The following RBM6 variants were observed in gnomAD, a reference collection of about 807,000 sequenced individuals.
The protein encoded by RBM6 is RNA binding motif protein 6.
In RBM6, 23 loss-of-function variants were observed where a neutral mutation model predicts 140.4. That is an observed-to-expected ratio of 0.16 (90% CI 0.12 to 0.23). RBM6 has a LOEUF of 0.23. Among genes scored for constraint, RBM6 ranks in the 10% least tolerant of loss-of-function variants. The pLI, the probability that RBM6 is intolerant of heterozygous loss-of-function variation, is 1.00. For synonymous variants in RBM6, 439 were observed against 475.6 expected, an observed-to-expected ratio of 0.92 and a Z score of 1.00; for missense variants, 1,139 against 1,386.7, an observed-to-expected ratio of 0.82 and a Z score of 2.84.
At position 50,061,559 on chromosome 3, in the gene RBM6, G is replaced by GTTTTT. The variant is rs758603179; in HGVS notation, c.2439+12_2439+13insTTTTT. 2.1e-6 allele frequency: 3 copies of GTTTTT among 1,421,374 alleles called. No homozygotes were observed. In the African/African-American group the frequency reaches 6.4e-5, roughly 30 times the overall value. The allele number at this position is 1,421,374 out of a possible 1,614,324, so 88.0% of individuals were successfully genotyped here. A position where few individuals can be genotyped will look rare whatever the true frequency, so the allele number is the denominator to read the frequency against. ...ACCCCAATACCCAGGTGAGTTTGGG[G>GTTTTT]CTTTTTTTTTTTTTTTTTTTTTTTT... On this transcript the variant is annotated intron_variant, in intron 14 of 20. Transcript: ENST00000266022.
chr3:50,001,985 A>G, intron 6 of RBM6, among the ~76,000 whole-genome samples: 1 of 152,226 alleles, frequency 6.6e-6, no homozygotes. Context: ...TAATGTATCC[A>G]GAACACTTAC....
Position 50,057,962 on chromosome 3 carries a change from A to G in RBM6, c.1928A>G (p.Glu643Gly), listed in dbSNP as rs753858580. The change falls in exon 9 of 21, where the codon GAG (glutamate) becomes GGG (glycine). Residue 643 changes from glutamate (E) to glycine (G), a missense_variant. Glu to Gly is a moderately conservative substitution (Grantham distance 98, BLOSUM62 -2). This residue lies in a region of RBM6 where 109 missense variants were observed against 101.9 expected (regional missense o/e 1.07). Transcript: ENST00000266022. ...GPTFRRDRER[E>G]SWSGETRQDG... ...ACTTTCCGAAGAGACCGAGAGAGGGAGTCATGGTCTGGAGAGACACGCCAG... is the reference window on the plus strand; with the variant it reads ...ACTTTCCGAAGAGACCGAGAGAGGGGGTCATGGTCTGGAGAGACACGCCAG... The G allele has an allele frequency of 1.2e-6, 2 of 1,614,070 alleles. No individual in the cohort carries two copies. The highest frequency in any genetic ancestry group is 1.7e-6 in the Non-Finnish European group (2 of 1,180,024).
At chr3:49,965,435 C>T (rs931900041) in intron 2 of RBM6, among the ~76,000 whole-genome samples, 88 of 151,578 alleles carry the variant, frequency 5.8e-4, no homozygotes, top group African/African-American at 2.0e-3. Context: ...TTTGGGAGGC[C>T]GAGGCGGGTG....
At chr3:49,990,600 CTTTG>C (rs1429079229) in intron 5 of RBM6, among the ~76,000 whole-genome samples, 4 of 152,106 alleles carry the variant, frequency 2.6e-5, no homozygotes, top group South Asian at 4.2e-4. Context: ...CTAGAAAGTA[CTTTG>C]TTTATCAGAT....
intron 5 of RBM6, among the ~76,000 whole-genome samples, chr3:49,987,441 G>T (rs945104390): frequency 6.6e-6 from 1 of 151,512 alleles, no homozygotes; most frequent in Non-Finnish European, 1.5e-5. Flanking sequence ...TCAGCTTCCC[G>T]AGTAGCTGGG....
At chr3:50,064,516 T>G (rs774173399) in intron 15 of RBM6, among the ~76,000 whole-genome samples, 3 of 152,070 alleles carry the variant, frequency 2.0e-5, no homozygotes, top group Non-Finnish European at 4.4e-5. Flanking sequence ...TTATTTTATT[T>G]TATTTTATTT....
chr3:50,039,418 T>C (rs965064726), intron 6 of RBM6, among the ~76,000 whole-genome samples: 3 of 151,438 alleles, frequency 2.0e-5, no homozygotes, highest in Non-Finnish European at 2.9e-5. Context: ...TTTGTACTTG[T>C]AGTAGAGACA....
At chr3:50,039,119 G>C (rs1045175984) in intron 6 of RBM6, among the ~76,000 whole-genome samples, 1 of 152,000 alleles carries the variant, frequency 6.6e-6, no homozygotes, top group African/African-American at 2.4e-5. Flanking sequence ...ATAAGATAGA[G>C]GTTATAGAAT....
At chr3:50,015,487 G>C (rs1039494251) in intron 6 of RBM6, among the ~76,000 whole-genome samples, 1 of 150,582 alleles carries the variant, frequency 6.6e-6, no homozygotes, top group Non-Finnish European at 1.5e-5. Context: ...CTGGAGTGCA[G>C]TGGCGCGATC....
chr3:49,976,279 C>T (rs1198711453), intron 5 of RBM6, among the ~76,000 whole-genome samples: 1 of 152,032 alleles, frequency 6.6e-6, no homozygotes, highest in African/African-American at 2.4e-5. Context: ...AAAAATTTTG[C>T]ATTAACTAGA....
chr3:50,059,777 T>C, intron 11 of RBM6, 31 bp downstream of exon 11: 1 of 1,533,204 alleles, frequency 6.5e-7, no homozygotes, highest in Non-Finnish European at 8.9e-7. Context: ...TCTCTTGTGC[T>C]GCCCCCACTT....
At chr3:50,053,612 C>T (rs923076587) in intron 7 of RBM6, among the ~76,000 whole-genome samples, 7 of 152,012 alleles carry the variant, frequency 4.6e-5, no homozygotes, top group African/African-American at 1.2e-4. Context: ...GACCTTTACT[C>T]GCCCTATAAG....
intron 6 of RBM6, among the ~76,000 whole-genome samples, chr3:50,003,670 CT>C (rs776041821): frequency 5.9e-5 from 9 of 152,180 alleles, no homozygotes; most frequent in Admixed American, 1.3e-4. Context: ...TTCCTGGTGC[CT>C]AGATCAAGCT....
At chr3:50,048,170 G>A (rs1215031303) in intron 6 of RBM6, 75 bp from the exon 7 acceptor site, 2 of 1,561,626 alleles carry the variant, frequency 1.3e-6, no homozygotes, top group East Asian at 4.5e-5. Flanking sequence ...GGATTGGAAA[G>A]GCTCTCTGTG....
chr3:50,010,828 A>G (rs1432405632), intron 6 of RBM6, among the ~76,000 whole-genome samples: 1 of 134,178 alleles, frequency 7.5e-6, no homozygotes, highest in Non-Finnish European at 1.5e-5. Context: ...GCTTGAACTC[A>G]GGAGGCAGAG....
chr3:49,948,935 A>G (rs2083613620), intron 1 of RBM6, among the ~76,000 whole-genome samples: 1 of 147,250 alleles, frequency 6.8e-6, no homozygotes, highest in Non-Finnish European at 1.5e-5. Flanking sequence ...GGTTCAAGCA[A>G]TTCTCCTGCC....
rs747534902 is a variant in RBM6, at chr3:50,075,239, G to A, written c.3155G>A (p.Ser1052Asn). ...GTTGATAAAGAAGATATCGACACTA[G>A]CAGCAAAGGAGGCTGTGTCCAACAG... ...KLVDKEDIDT[S>N]SKGGCVQQAT... is the part of the protein sequence containing the mutation. The change falls in exon 20 of 21, where the codon AGC becomes AAC. Residue 1052 changes from serine to asparagine, a missense_variant. By Grantham distance (46) the Ser-to-Asn change is conservative (BLOSUM62 1). Coordinates refer to ENST00000266022, the MANE Select transcript of RBM6 (RefSeq NM_005777.3). 1 of 1,614,126 alleles carries A rather than the reference G, an allele frequency of 6.2e-7. No homozygotes were observed. The highest frequency in any genetic ancestry group is 1.1e-5 in the South Asian group (1 of 91,084).
At chr3:50,035,511 T>A (rs923353195) in intron 6 of RBM6, among the ~76,000 whole-genome samples, 1 of 151,684 alleles carries the variant, frequency 6.6e-6, no homozygotes, top group Non-Finnish European at 1.5e-5. Flanking sequence ...TGAAACCCCG[T>A]CTCTACTAAA....
intron 19 of RBM6, among the ~76,000 whole-genome samples, chr3:50,071,054 C>T (rs2090284243): frequency 6.6e-6 from 1 of 152,198 alleles, no homozygotes; most frequent in Admixed American, 6.5e-5. Flanking sequence ...AAGAAATACT[C>T]AGGTGGACAA....
Sources: gnomAD v4.1 joint callset for allele counts (sites outside exome capture counted in the v4.1 genomes callset) on GRCh38, gnomAD v4.1.1 for gene constraint, gnomAD v4.1.1 regional missense constraint, MANE v1.5 for transcripts, NCBI Gene and HGNC (gene_info 2026-07-23, HGNC 2026-07-21) for gene names.